The following WDR7 variants were observed in gnomAD, a reference collection of about 807,000 sequenced individuals.
The protein encoded by WDR7 is WD repeat domain 7, also known as WD repeat-containing protein 7.
A neutral mutation model predicts 169.4 loss-of-function variants in WDR7; 46 were observed. That is an observed-to-expected ratio of 0.27 (90% CI 0.21 to 0.35). The LOEUF is 0.35. Among genes scored for constraint, WDR7 ranks in the 10% least tolerant of loss-of-function variants. The probability of loss-of-function intolerance (pLI) is 1.00; values close to 1 mark genes in which losing one functional copy is unlikely to be tolerated. For missense variants in WDR7, 1,534 were observed against 1,859.3 expected, an observed-to-expected ratio of 0.83 and a Z score of 3.22; for synonymous variants, 612 against 666.8, an observed-to-expected ratio of 0.92 and a Z score of 1.27.
intron 14 of WDR7, among the ~76,000 whole-genome samples, chr18:56,735,507 G>C (rs1188433362): frequency 1.3e-5 from 2 of 152,122 alleles, no homozygotes; most frequent in East Asian, 3.8e-4. Flanking sequence ...CTAAATAGAT[G>C]CTGGAGTGTA....
chr18:56,786,051 C>G (rs963964335), intron 19 of WDR7, among the ~76,000 whole-genome samples: 2 of 152,106 alleles, frequency 1.3e-5, no homozygotes, highest in Non-Finnish European at 2.9e-5. Context: ...CGTTGGCTGG[C>G]TGTACCTTTC....
intron 12 of WDR7, chr18:56,699,687 G>T (rs893448448): frequency 3.0e-5 from 8 of 269,312 alleles, no homozygotes; most frequent in Non-Finnish European, 4.6e-5. Context: ...CAAAGCTGAT[G>T]ATTTCTCCTC....
intron 19 of WDR7, among the ~76,000 whole-genome samples, chr18:56,788,408 T>A (rs1466494757): frequency 6.6e-6 from 1 of 152,216 alleles, no homozygotes; most frequent in Non-Finnish European, 1.5e-5. Flanking sequence ...CTTTCACCTT[T>A]AGCAGCTTTT....
chr18:56,915,420 T>G (rs1314578353), intron 21 of WDR7, among the ~76,000 whole-genome samples: 1 of 152,218 alleles, frequency 6.6e-6, no homozygotes, highest in African/African-American at 2.4e-5. Flanking sequence ...CATCATAAAT[T>G]CATTTGGTTT....
At chr18:56,815,632 C>A (rs2044953525) in intron 19 of WDR7, among the ~76,000 whole-genome samples, 1 of 152,174 alleles carries the variant, frequency 6.6e-6, no homozygotes, top group South Asian at 2.1e-4. Context: ...TCCCAACTCC[C>A]AAGTTATAAA....
chr18:56,751,176 A>G (rs2043785325), intron 14 of WDR7, among the ~76,000 whole-genome samples: 1 of 152,158 alleles, frequency 6.6e-6, no homozygotes, highest in Admixed American at 6.5e-5. Flanking sequence ...GCATCCCGAT[A>G]TCATTGTCCC....
At chr18:56,897,965 A>G (rs903388514) in intron 21 of WDR7, among the ~76,000 whole-genome samples, 3 of 151,816 alleles carry the variant, frequency 2.0e-5, no homozygotes, top group African/African-American at 7.3e-5. Flanking sequence ...GAGCAATGAC[A>G]CTCCAGTAGC....
At chr18:56,665,199 A>G (rs921896725) in intron 1 of WDR7, among the ~76,000 whole-genome samples, 3 of 151,956 alleles carry the variant, frequency 2.0e-5, no homozygotes, top group African/African-American at 7.3e-5. Context: ...AGGCTGGGGC[A>G]GGAGAATCCC....
At chr18:56,732,060 A>G (rs1445377573) in intron 14 of WDR7, among the ~76,000 whole-genome samples, 1 of 152,254 alleles carries the variant, frequency 6.6e-6, no homozygotes, top group Non-Finnish European at 1.5e-5. Context: ...GTTTCAGAAT[A>G]CGTATGATGG....
intron 20 of WDR7, among the ~76,000 whole-genome samples, chr18:56,875,937 C>G (rs555258095): frequency 2.0e-5 from 3 of 152,220 alleles, no homozygotes; most frequent in Admixed American, 6.5e-5. Context: ...TCCTTGACAC[C>G]AGTCTTGTTT....
intron 19 of WDR7, among the ~76,000 whole-genome samples, chr18:56,784,325 G>A (rs532833786): frequency 1.3e-5 from 2 of 152,126 alleles, no homozygotes; most frequent in African/African-American, 2.4e-5. Context: ...TGGAGTGTAA[G>A]GTGGTAAAGT....
intron 13 of WDR7, among the ~76,000 whole-genome samples, chr18:56,724,404 G>T (rs1354118327): frequency 1.3e-5 from 2 of 151,292 alleles, no homozygotes; most frequent in Admixed American, 1.3e-4. Flanking sequence ...GAGATGGGGG[G>T]TTTCATCATG....
chr18:57,001,777 A>G (rs1568308087), intron 26 of WDR7, among the ~76,000 whole-genome samples: 2 of 152,136 alleles, frequency 1.3e-5, no homozygotes, highest in Non-Finnish European at 2.9e-5. Flanking sequence ...TATAAATGGA[A>G]TCATACAGCA....
rs143311838 is a variant in WDR7 at position 56,925,478 on chromosome 18, T to C, written c.3713+1370T>C. On this transcript the variant is annotated intron_variant, in intron 22 of 27. Transcript: ENST00000254442. ...CCAGTGGGTATGAAGTGGTTGGAATTCTTGAACTGTCCCATAATGCCTCCC... is the reference window on the plus strand; with the variant it reads ...CCAGTGGGTATGAAGTGGTTGGAATCCTTGAACTGTCCCATAATGCCTCCC... Among the ~76,000 whole-genome samples, 105 of 152,340 alleles carry C rather than the reference T, an allele frequency of 6.9e-4. No homozygotes were observed. In the East Asian group the frequency reaches 0.016, roughly 23 times the overall value.
At chr18:56,998,850 T>C (rs2047935107) in intron 26 of WDR7, among the ~76,000 whole-genome samples, 1 of 152,222 alleles carries the variant, frequency 6.6e-6, no homozygotes, top group Non-Finnish European at 1.5e-5. Context: ...TGAGAGCATA[T>C]ATTTTAAAAA....
intron 13 of WDR7, among the ~76,000 whole-genome samples, chr18:56,724,795 C>G (rs890862787): frequency 3.3e-5 from 5 of 152,022 alleles, no homozygotes; most frequent in African/African-American, 9.7e-5. Flanking sequence ...TGCTATCCCT[C>G]CCCCGCTCTC....
intron 16 of WDR7, among the ~76,000 whole-genome samples, chr18:56,766,236 G>A (rs993676105): frequency 6.6e-6 from 1 of 152,036 alleles, no homozygotes; most frequent in African/African-American, 2.4e-5. Context: ...TGATTGTGTG[G>A]TTCTTCAGTG....
rs544939964 is a variant in WDR7, at chr18:56,743,190, G to C, written c.1989+11593G>C. Among the ~76,000 whole-genome samples the C allele has an allele frequency of 3.3e-5, 5 of 152,280 alleles. No individual in the cohort carries two copies. In the South Asian group the frequency reaches 1.0e-3, roughly 32 times the overall value. On this transcript the variant is annotated intron_variant, in intron 14 of 27. Transcript: ENST00000254442. ...GATATCGAATGTAAAAGCAGGTTTT[G>C]TCCGGGATGATGAGGAGTTGCTTTG...
At chr18:57,002,019 T>C (rs545590852) in intron 26 of WDR7, among the ~76,000 whole-genome samples, 2 of 152,280 alleles carry the variant, frequency 1.3e-5, no homozygotes, top group East Asian at 3.9e-4. Flanking sequence ...AGTCATTACT[T>C]TTGGAGTTTA....
Sources: allele counts gnomAD v4.1 joint callset (sites outside exome capture counted in the v4.1 genomes callset), GRCh38; gene constraint gnomAD v4.1.1; transcripts MANE v1.5; gene names NCBI Gene and HGNC (gene_info 2026-07-23, HGNC 2026-07-21).